Variants in PSMA1 observed in about 807,000 individuals in gnomAD.
PSMA1 encodes proteasome subunit alpha type-1.
PSMA1 carries 3 observed loss-of-function variants against 38.4 expected under a neutral mutation model. That is an observed-to-expected ratio of 0.08 (90% CI 0.04 to 0.20). The LOEUF (loss-of-function observed/expected upper bound fraction) is 0.20. Among genes scored for constraint, PSMA1 ranks in the 10% least tolerant of loss-of-function variants. The probability of loss-of-function intolerance (pLI) is 1.00; values close to 1 mark genes in which losing one functional copy is unlikely to be tolerated. For missense variants in PSMA1, 227 were observed against 325.3 expected, an observed-to-expected ratio of 0.70 and a Z score of 2.32; for synonymous variants, 101 against 107.1, an observed-to-expected ratio of 0.94 and a Z score of 0.35.
chr11:14,588,656 T>G (rs942541308), intron 2 of PSMA1, among the ~76,000 whole-genome samples: 40 of 152,334 alleles, frequency 2.6e-4, no homozygotes, highest in African/African-American at 9.4e-4. Flanking sequence ...TCTCCATCTG[T>G]TTAGCATACG....
chr11:14,507,230 AG>A (rs1278298007), intron 9 of PSMA1, among the ~76,000 whole-genome samples: 1 of 150,926 alleles, frequency 6.6e-6, no homozygotes, highest in African/African-American at 2.4e-5. Flanking sequence ...GGGCAGTGGT[AG>A]GATCTCAGCT....
intron 2 of PSMA1, among the ~76,000 whole-genome samples, chr11:14,577,202 T>C (rs1852228808): frequency 6.6e-6 from 1 of 152,244 alleles, no homozygotes; most frequent in Admixed American, 6.5e-5. Context: ...CTAACTTATT[T>C]GATTCCATGA....
At chr11:14,552,224 G>A (rs1008643659) in intron 2 of PSMA1, among the ~76,000 whole-genome samples, 14 of 152,136 alleles carry the variant, frequency 9.2e-5, no homozygotes, top group South Asian at 2.1e-4. Context: ...TCCTCAGCAC[G>A]AAAAGTTCCC....
At chr11:14,524,141 AAGGGAGGGAGAG>A (rs2134155401), upstream of PSMA1, among the ~76,000 whole-genome samples, 1 of 128,788 alleles carries the variant, frequency 7.8e-6, no homozygotes, top group South Asian at 2.7e-4. Context: ...AAAAAAAATG[AAGGGAGGGAGAG>A]AGAGAGGGAG....
chr11:14,517,264 A>C (rs748762879), intron 4 of PSMA1, among the ~76,000 whole-genome samples: 1 of 152,226 alleles, frequency 6.6e-6, no homozygotes, highest in Non-Finnish European at 1.5e-5. Context: ...CAAAAAATAA[A>C]TGTCTAATAA....
intron 2 of PSMA1, among the ~76,000 whole-genome samples, chr11:14,592,333 C>T (rs1423493017): frequency 6.6e-6 from 1 of 151,334 alleles, no homozygotes; most frequent in Admixed American, 6.6e-5. Flanking sequence ...GCCTCATCGA[C>T]CCCGTCTCAA....
intron 2 of PSMA1, among the ~76,000 whole-genome samples, chr11:14,518,496 G>A (rs962449633): frequency 6.6e-6 from 1 of 152,164 alleles, no homozygotes; most frequent in African/African-American, 2.4e-5. Context: ...ATCGCAGAAT[G>A]AACACATCCG....
At chr11:14,586,053 C>G (rs759336879) in intron 2 of PSMA1, among the ~76,000 whole-genome samples, 1 of 152,178 alleles carries the variant, frequency 6.6e-6, no homozygotes, top group Non-Finnish European at 1.5e-5. Flanking sequence ...TCATGCCTAT[C>G]CATTTAGTAA....
chr11:14,570,690 A>C (rs924696063), intron 2 of PSMA1, among the ~76,000 whole-genome samples: 8 of 152,238 alleles, frequency 5.3e-5, no homozygotes, highest in Non-Finnish European at 1.2e-4. Flanking sequence ...GCCTCCAAGA[A>C]ATATGGGACT....
At chr11:14,616,879 T>C (rs1179994092) in intron 1 of PSMA1, among the ~76,000 whole-genome samples, 1 of 152,126 alleles carries the variant, frequency 6.6e-6, no homozygotes, top group Non-Finnish European at 1.5e-5. Flanking sequence ...ACCACTACAT[T>C]ATATTGCCTC....
chr11:14,629,018 G>GT (rs1310606409), intron 1 of PSMA1, among the ~76,000 whole-genome samples: 2 of 150,870 alleles, frequency 1.3e-5, no homozygotes, highest in Admixed American at 6.6e-5. Flanking sequence ...GGGGTTGTTT[G>GT]TTTTTTTCTT....
chr11:14,568,646 T>C (rs559215813), intron 2 of PSMA1, among the ~76,000 whole-genome samples: 6 of 152,234 alleles, frequency 3.9e-5, no homozygotes, highest in Admixed American at 2.0e-4. Context: ...AGCATACTCC[T>C]GGAGGATCTG....
chr11:14,617,818 T>C (rs1160290566), intron 1 of PSMA1, among the ~76,000 whole-genome samples: 1 of 151,958 alleles, frequency 6.6e-6, no homozygotes, highest in African/African-American at 2.4e-5. Flanking sequence ...TCAGGAGAGG[T>C]GTAAGGAACA....
At chr11:14,601,436 G>A (rs16930367) in intron 2 of PSMA1, among the ~76,000 whole-genome samples, 4,120 of 152,160 alleles carry the variant, frequency 0.027, 83 homozygotes, top group Non-Finnish European at 0.043. Flanking sequence ...CCCACCAAAG[G>A]CTGCCGTTCT....
At chr11:14,506,562 T>G (rs1372256949) in intron 9 of PSMA1, among the ~76,000 whole-genome samples, 2 of 152,154 alleles carry the variant, frequency 1.3e-5, no homozygotes, top group Non-Finnish European at 2.9e-5. Context: ...AAATGTATAT[T>G]CTAAACATCT....
chr11:14,533,209 G>A (rs913449608), intron 2 of PSMA1, among the ~76,000 whole-genome samples: 2 of 152,168 alleles, frequency 1.3e-5, no homozygotes, highest in African/African-American at 4.8e-5. Context: ...TTATCATTGA[G>A]CATTTCCTCT....
intron 2 of PSMA1, among the ~76,000 whole-genome samples, chr11:14,539,115 A>G (rs548791553): frequency 1.3e-5 from 2 of 152,356 alleles, no homozygotes; most frequent in African/African-American, 4.8e-5. Flanking sequence ...AACAGAAGGT[A>G]ATACACAGGC....
At chr11:14,609,272 C>T (rs562079743) in intron 2 of PSMA1, among the ~76,000 whole-genome samples, 7 of 152,264 alleles carry the variant, frequency 4.6e-5, no homozygotes, top group South Asian at 4.1e-4. Flanking sequence ...ATCTGCATAA[C>T]GATAGGTGGA....
intron 1 of PSMA1, among the ~76,000 whole-genome samples, chr11:14,627,191 T>TA (rs1852922096): frequency 6.6e-6 from 1 of 152,182 alleles, no homozygotes; most frequent in Admixed American, 6.5e-5. Flanking sequence ...ACACTGGGGT[T>TA]AGGGTTTCAA....
Sources: allele counts gnomAD v4.1 joint callset (sites outside exome capture counted in the v4.1 genomes callset), GRCh38; gene constraint gnomAD v4.1.1; transcripts MANE v1.5; gene names NCBI Gene and HGNC (gene_info 2026-07-23, HGNC 2026-07-21).